Variants in CACNG8 observed in about 807,000 individuals in gnomAD.
The protein encoded by CACNG8 is voltage-dependent calcium channel gamma-8 subunit.
CACNG8 carries 5 observed loss-of-function variants against 26.9 expected under a neutral mutation model. The ratio of observed to expected loss-of-function variants is 0.19; its 90% CI spans 0.10 to 0.39. The LOEUF is 0.39. Ranked by LOEUF, CACNG8 falls within the 10% of genes least tolerant of loss-of-function variation. CACNG8 has a pLI of 1.00. For synonymous variants in CACNG8, 321 were observed against 296.7 expected (o/e 1.08, Z -0.84); for missense variants, 473 against 609.4 (o/e 0.78, Z 2.36).
At position 53,985,329 on chromosome 19, in the gene CACNG8, G is replaced by C. The variant is rs371556113; in HGVS notation, c.*2480G>C. On this transcript the variant is annotated 3_prime_UTR_variant, in exon 4 of 4. Coordinates refer to ENST00000270458, the MANE Select transcript of CACNG8 (RefSeq NM_031895.6). Reference sequence around the variant, plus strand: ...GGCTCTGCGTGCCCTTCTCTTGACGGAAGGGTACAGATCAGAGCTGGGTGT... The same window carrying C: ...GGCTCTGCGTGCCCTTCTCTTGACGCAAGGGTACAGATCAGAGCTGGGTGT... The C allele has an allele frequency of 2.2e-5, 1 of 44,734 alleles. No homozygotes were observed. The highest frequency in any genetic ancestry group is 4.5e-5 in the Non-Finnish European group (1 of 22,220). The allele number at this position is 44,734 out of a possible 1,614,324, so 2.8% of individuals were successfully genotyped here.
At chr19:53,969,264 A>G (rs917840431) in intron 1 of CACNG8, among the ~76,000 whole-genome samples, 1 of 151,956 alleles carries the variant, frequency 6.6e-6, no homozygotes, top group African/African-American at 2.4e-5. Flanking sequence ...TGGCCTCCCA[A>G]AGTTCTGGGA....
Position 53,983,318 on chromosome 19 carries a change from AG to A in CACNG8, c.*470del, listed in dbSNP as rs1006748581. ...AGCGAAGGGATGCAGAAAGGCAGAA[AG>A]AAGGGTTGGACGCGGGCATTCATTC... On this transcript the variant is annotated 3_prime_UTR_variant, in exon 4 of 4. Transcript: ENST00000270458. 13 of 152,404 alleles carry A rather than the reference AG, an allele frequency of 8.5e-5. No individual in the cohort carries two copies. Among genetic ancestry groups the A allele is most frequent in the African/African-American group, 3.1e-4 (13 of 41,574 alleles). 9.4% of individuals were successfully genotyped at this position (152,404 alleles called of 1,614,324 possible). A position where few individuals can be genotyped will look rare whatever the true frequency, so the allele number is the denominator to read the frequency against.
At position 53,982,741 on chromosome 19, in the gene CACNG8, G is replaced by GCCCGCGCCCGCGCCA. The variant is rs1210930168; in HGVS notation, c.1180_1194dup (p.Ala394_Pro398dup). ...TCACGGTCACCGGGCCGCCCGCCCCGCCCGCGCCCGCGCCACCCGCGCCCT... is the reference window on the plus strand; with the variant it reads ...TCACGGTCACCGGGCCGCCCGCCCCGCCCGCGCCCGCGCCACCCGCGCCCGCGCCACCCGCGCCCT... On this transcript the variant is annotated inframe_insertion, in exon 4 of 4. Coordinates refer to ENST00000270458, the MANE Select transcript of CACNG8 (RefSeq NM_031895.6). The surrounding 1 kb of genome is among the most constrained non-coding windows in gnomAD (Gnocchi z 8.4). 7 of 1,164,872 alleles carry GCCCGCGCCCGCGCCA rather than the reference G, an allele frequency of 6.0e-6. No homozygotes were observed. The highest frequency in any genetic ancestry group is 4.7e-5 in the Admixed American group (1 of 21,486). The allele number at this position is 1,164,872 out of a possible 1,614,324, so 72.2% of individuals were successfully genotyped here. A position where few individuals can be genotyped will look rare whatever the true frequency, so the allele number is the denominator to read the frequency against.
At chr19:53,974,621 T>TTTTA (rs56177853) in intron 1 of CACNG8, among the ~76,000 whole-genome samples, 60 of 150,800 alleles carry the variant, frequency 4.0e-4, no homozygotes, top group East Asian at 1.4e-3. Flanking sequence ...ACACGTGTTA[T>TTTTA]TTTATTTATT....
Position 53,982,517 on chromosome 19 carries a change from G to T in CACNG8, c.946G>T (p.Gly316Cys). The change falls in exon 4 of 4, where the codon GGC (glycine) becomes TGC (cysteine). Residue 316 changes from glycine to cysteine, a missense_variant. Coordinates refer to ENST00000270458, the MANE Select transcript of CACNG8 (RefSeq NM_031895.6). The surrounding 1 kb of genome is among the most constrained non-coding windows in gnomAD (Gnocchi z 8.4). ...CACGCTCAGCCGCGACCCCTCCAAG[G>T]GCAGCGTGGCCGCGGGGCTGGCGGG... 7.3e-7 allele frequency: 1 copy of T among 1,369,414 alleles called. No homozygotes were observed. Among genetic ancestry groups the T allele is most frequent in the Non-Finnish European group, 9.4e-7 (1 of 1,067,280 alleles). 84.8% of individuals were successfully genotyped at this position (1,369,414 alleles called of 1,614,324 possible).
chr19:53,975,658 C>T (rs1396029723), intron 1 of CACNG8, among the ~76,000 whole-genome samples: 2 of 152,164 alleles, frequency 1.3e-5, no homozygotes, highest in African/African-American at 2.4e-5. Context: ...CGATTACAGA[C>T]GTGAGCCACC....
intron 1 of CACNG8, among the ~76,000 whole-genome samples, chr19:53,964,602 T>C (rs757946400): frequency 2.0e-5 from 3 of 152,112 alleles, no homozygotes; most frequent in Admixed American, 6.6e-5. Context: ...GACTTGGTTC[T>C]TTTCCTCTGT....
intron 1 of CACNG8, among the ~76,000 whole-genome samples, chr19:53,964,203 C>T (rs535048717): frequency 1.3e-5 from 2 of 152,036 alleles, no homozygotes; most frequent in South Asian, 4.2e-4. Flanking sequence ...TTCTCTCTCC[C>T]GACATTTCCC....
chr19:53,970,702 G>T (rs11882496), intron 1 of CACNG8, among the ~76,000 whole-genome samples: 8,357 of 152,094 alleles, frequency 0.055, 269 homozygotes, highest in African/African-American at 0.078. Context: ...GGAGGCCGAG[G>T]TGAGAGGATT....
rs2069418070 is a variant in CACNG8 at position 53,988,050 on chromosome 19, G to C, written c.*5201G>C. On this transcript the variant is annotated 3_prime_UTR_variant, in exon 4 of 4. Coordinates refer to ENST00000270458, the MANE Select transcript of CACNG8 (RefSeq NM_031895.6). ...TTACAGAGGGCAAATGCACCTTTGTGTTTCAAGAAGGAGAGGAGACAGCCA... is the reference window on the plus strand; with the variant it reads ...TTACAGAGGGCAAATGCACCTTTGTCTTTCAAGAAGGAGAGGAGACAGCCA... 8.2e-6 allele frequency: 1 copy of C among 121,418 alleles called. No homozygotes were observed. The highest frequency in any genetic ancestry group is 3.0e-5 in the African/African-American group (1 of 33,554). The allele number at this position is 121,418 out of a possible 1,614,324, so 7.5% of individuals were successfully genotyped here. A position where few individuals can be genotyped will look rare whatever the true frequency, so the allele number is the denominator to read the frequency against.
At chr19:53,970,374 C>T (rs541780150) in intron 1 of CACNG8, among the ~76,000 whole-genome samples, 3 of 147,210 alleles carry the variant, frequency 2.0e-5, no homozygotes, top group Non-Finnish European at 3.0e-5. Context: ...CTTGTAATCC[C>T]AGCACTTTGG....
In CACNG8 at chr19:53,989,867, A is replaced by C. The variant is rs1439977726; in HGVS notation, c.*7018A>C. On this transcript the variant is annotated 3_prime_UTR_variant, in exon 4 of 4. Transcript: ENST00000270458. The stretch of plus-strand genomic sequence containing the variant: ...TCCTCCTGTGCCTGGCCCCGGCCCC[A>C]GTCTGCTGGAAGAACCAGACACAGA... The C allele has an allele frequency of 6.6e-6, 1 of 152,502 alleles. No individual in the cohort carries two copies. Among genetic ancestry groups the C allele is most frequent in the East Asian group, 1.9e-4 (1 of 5,180 alleles). 9.4% of individuals were successfully genotyped at this position (152,502 alleles called of 1,614,324 possible). A position where few individuals can be genotyped will look rare whatever the true frequency, so the allele number is the denominator to read the frequency against.
At chr19:53,975,681 T>C (rs1013671688) in intron 1 of CACNG8, among the ~76,000 whole-genome samples, 16 of 152,160 alleles carry the variant, frequency 1.1e-4, no homozygotes, top group African/African-American at 3.9e-4. Flanking sequence ...ACCTGGCCCA[T>C]TCAACCATTC....
chr19:53,981,156 A>T (rs2069365283), intron 3 of CACNG8, among the ~76,000 whole-genome samples: 2 of 152,188 alleles, frequency 1.3e-5, no homozygotes, highest in African/African-American at 4.8e-5. Context: ...CAGGAATTAT[A>T]TGAAGAGAGA....
At position 53,982,357 on chromosome 19, in the gene CACNG8, T is replaced by C. The variant is rs774050852; in HGVS notation, c.786T>C (p.Arg262=). 4.5e-6 allele frequency: 7 copies of C among 1,540,802 alleles called. No individual in the cohort carries two copies. The highest frequency in any genetic ancestry group is 6.1e-6 in the Non-Finnish European group (7 of 1,148,548). The change falls in exon 4 of 4, where the codon CGT becomes CGC. Residue 262 remains arginine, a synonymous_variant. Coordinates refer to ENST00000270458, the MANE Select transcript of CACNG8 (RefSeq NM_031895.6). This position sits in a 1 kb window ranked among gnomAD's most constrained non-coding sequence, Gnocchi z 8.4. ...GGAGCGGCCCCTCGGCCATCCTCCG[T>C]CTGCCCAGTTACCGCTTCCGCTACC...
chr19:53,980,059 T>C (rs757295930), intron 3 of CACNG8, 52 bp downstream of exon 3: 1 of 386,282 alleles, frequency 2.6e-6, no homozygotes. Flanking sequence ...GGCGCGCACG[T>C]GTGTGTGTGT....
At chr19:53,965,796 G>A (rs910676896) in intron 1 of CACNG8, among the ~76,000 whole-genome samples, 1 of 151,958 alleles carries the variant, frequency 6.6e-6, no homozygotes, top group Non-Finnish European at 1.5e-5. Flanking sequence ...GGGATGGGAG[G>A]GGTCAGGGAT....
chr19:53,989,204 T>G lies in CACNG8; in HGVS notation c.*6355T>G, dbSNP rs1291305991. 1 of 152,136 alleles carries G rather than the reference T, an allele frequency of 6.6e-6. No homozygotes were observed. 9.4% of individuals were successfully genotyped at this position (152,136 alleles called of 1,614,324 possible). ...ATTGCTTGAGTCCAGGAGTTTAAGG[T>G]TGCAGTGAGCTATGATTGCACCATT... On this transcript the variant is annotated 3_prime_UTR_variant, in exon 4 of 4. Coordinates refer to ENST00000270458, the MANE Select transcript of CACNG8 (RefSeq NM_031895.6).
Position 53,988,783 on chromosome 19 carries a change from G to C in CACNG8, c.*5934G>C, listed in dbSNP as rs1220513876. The C allele has an allele frequency of 6.6e-6, 1 of 152,288 alleles. No individual in the cohort carries two copies. The highest frequency in any genetic ancestry group is 1.5e-5 in the Non-Finnish European group (1 of 68,078). The allele number at this position is 152,288 out of a possible 1,614,324, so 9.4% of individuals were successfully genotyped here. ...ATGAATTCAGGGGGCAGGGAAGAGA[G>C]GATGCTGTCAGCTAGGCTCTGGCAG... On this transcript the variant is annotated 3_prime_UTR_variant, in exon 4 of 4. Transcript: ENST00000270458.
Sources: gnomAD v4.1 joint callset for allele counts (sites outside exome capture counted in the v4.1 genomes callset) on GRCh38, gnomAD v4.1.1 for gene constraint, Gnocchi (gnomAD v3.1) non-coding constraint, MANE v1.5 for transcripts, NCBI Gene and HGNC (gene_info 2026-07-23, HGNC 2026-07-21) for gene names.